CA10: variants seen among roughly 807,000 people sequenced by gnomAD.
CA10 encodes the protein carbonic anhydrase 10 (inactive).
In CA10, 14 loss-of-function variants were observed where a neutral mutation model predicts 44.2. The observed-to-expected ratio is 0.32, with a 90% CI of 0.21 to 0.50. CA10 has a LOEUF of 0.50. CA10 is among the 20% of genes least tolerant of loss of function. The pLI is 0.99. For synonymous variants in CA10, 159 were observed against 141.6 expected, an observed-to-expected ratio of 1.12 and a Z score of -0.87; for missense variants, 350 against 409.7, an observed-to-expected ratio of 0.85 and a Z score of 1.26.
chr17:51,988,802 T>C (rs942865710), intron 2 of CA10, among the ~76,000 whole-genome samples: 6 of 152,058 alleles, frequency 3.9e-5, no homozygotes, highest in Non-Finnish European at 7.4e-5. Flanking sequence ...ATTTTAAATT[T>C]TCTAGTATGC....
chr17:52,089,205 C>T (rs1988198006), intron 1 of CA10, among the ~76,000 whole-genome samples: 1 of 152,144 alleles, frequency 6.6e-6, no homozygotes, highest in Non-Finnish European at 1.5e-5. Flanking sequence ...GCAAGAAATA[C>T]ACCAATATTG....
At chr17:51,739,753 T>C (rs1022254674) in intron 4 of CA10, among the ~76,000 whole-genome samples, 1 of 152,212 alleles carries the variant, frequency 6.6e-6, no homozygotes, top group South Asian at 2.1e-4. Context: ...CATCATATGC[T>C]TGCTGGTATT....
chr17:52,139,824 A>G, intron 1 of CA10, among the ~76,000 whole-genome samples: 1 of 152,156 alleles, frequency 6.6e-6, no homozygotes. Context: ...TAGAGATAAA[A>G]TGAGATAATA....
intron 3 of CA10, among the ~76,000 whole-genome samples, chr17:51,793,110 C>G (rs1906584071): frequency 6.6e-6 from 1 of 152,204 alleles, no homozygotes; most frequent in Admixed American, 6.5e-5. Flanking sequence ...TCTTTCTTCT[C>G]TCTCTATGGC....
At chr17:52,132,486 A>G (rs1380246435) in intron 1 of CA10, among the ~76,000 whole-genome samples, 1 of 152,236 alleles carries the variant, frequency 6.6e-6, no homozygotes, top group Non-Finnish European at 1.5e-5. Context: ...TACTAAGCAC[A>G]GTAAAGGAGA....
chr17:52,004,683 C>T (rs530326997), intron 2 of CA10, among the ~76,000 whole-genome samples: 12 of 151,942 alleles, frequency 7.9e-5, no homozygotes, highest in African/African-American at 2.4e-4. Flanking sequence ...ATCATTTCTA[C>T]AAAATGCTCT....
intron 2 of CA10, among the ~76,000 whole-genome samples, chr17:51,951,749 T>C (rs1983492083): frequency 6.6e-6 from 1 of 152,176 alleles, no homozygotes; most frequent in African/African-American, 2.4e-5. Flanking sequence ...ACTGCAGATG[T>C]ACTCTAAGAG....
chr17:51,912,131 A>G (rs1422257766), intron 3 of CA10, among the ~76,000 whole-genome samples: 1 of 152,228 alleles, frequency 6.6e-6, no homozygotes, highest in African/African-American at 2.4e-5. Context: ...ACTAAGTAGT[A>G]TAGCAAACTT....
At chr17:51,717,833 A>ATATACACG (rs1916207432) in intron 4 of CA10, among the ~76,000 whole-genome samples, 1 of 58,520 alleles carries the variant, frequency 1.7e-5, no homozygotes, top group African/African-American at 9.0e-5. Flanking sequence ...GTGTGTGTAT[A>ATATACACG]TATATATATA....
chr17:51,993,973 AG>A (rs537201323), intron 2 of CA10, among the ~76,000 whole-genome samples: 58 of 152,112 alleles, frequency 3.8e-4, no homozygotes, highest in Non-Finnish European at 5.3e-4. Context: ...CACATCTTAA[AG>A]GCAATAAAAT....
intron 2 of CA10, among the ~76,000 whole-genome samples, chr17:52,024,914 T>G (rs1319544488): frequency 6.6e-6 from 1 of 151,828 alleles, no homozygotes; most frequent in Non-Finnish European, 1.5e-5. Flanking sequence ...TAAAAATGAT[T>G]ATCATTACCA....
chr17:52,152,173 A>G (rs1989717953), intron 1 of CA10, among the ~76,000 whole-genome samples: 1 of 152,108 alleles, frequency 6.6e-6, no homozygotes, highest in East Asian at 1.9e-4. Context: ...TATATAAAGT[A>G]CAGTGCTAGT....
chr17:51,937,085 C>T (rs1982896400), intron 2 of CA10, among the ~76,000 whole-genome samples: 1 of 152,064 alleles, frequency 6.6e-6, no homozygotes, highest in African/African-American at 2.4e-5. Flanking sequence ...AAACTAAGTC[C>T]CCTACTTTTT....
At chr17:51,775,778 TA>T (rs1598039350) in intron 3 of CA10, among the ~76,000 whole-genome samples, 1 of 152,118 alleles carries the variant, frequency 6.6e-6, no homozygotes, top group East Asian at 1.9e-4. Flanking sequence ...AAGTAATATT[TA>T]AACAGGACTC....
rs78869340 is a variant in CA10, at chr17:51,980,843, T to C, written c.137-49711A>G. 4.7e-3 allele frequency among the ~76,000 whole-genome samples: 714 copies of C among 152,274 alleles called. 2 individuals carry two copies. Among genetic ancestry groups the C allele is most frequent in the Non-Finnish European group, 6.4e-3 (436 of 68,004 alleles). Reference sequence around the variant, plus strand: ...AGATAGTTGTAGGTGTGCAGCATCATTTCTCGACTTTCTCTTCCGTTCCAT... The same window carrying C: ...AGATAGTTGTAGGTGTGCAGCATCACTTCTCGACTTTCTCTTCCGTTCCAT... On this transcript the variant is annotated intron_variant, in intron 2 of 8. Transcript: ENST00000451037.
At chr17:51,746,588 A>G (rs1404264398) in intron 4 of CA10, among the ~76,000 whole-genome samples, 1 of 152,228 alleles carries the variant, frequency 6.6e-6, no homozygotes, top group Non-Finnish European at 1.5e-5. Context: ...TCCCCATTAC[A>G]GCATGACATT....
At chr17:51,816,185 G>A (rs1460912851) in intron 3 of CA10, among the ~76,000 whole-genome samples, 2 of 152,130 alleles carry the variant, frequency 1.3e-5, no homozygotes, top group Non-Finnish European at 2.9e-5. Context: ...GTCTGTGCCT[G>A]ACTTATTTCA....
intron 4 of CA10, among the ~76,000 whole-genome samples, chr17:51,743,483 A>C (rs555712623): frequency 3.3e-5 from 5 of 152,322 alleles, no homozygotes; most frequent in Non-Finnish European, 7.3e-5. Flanking sequence ...ATCCCCAACA[A>C]GGAATCCAGG....
chr17:51,867,651 C>T (rs921796133), intron 3 of CA10, among the ~76,000 whole-genome samples: 1 of 152,194 alleles, frequency 6.6e-6, no homozygotes, highest in African/African-American at 2.4e-5. Context: ...ATATTGTTTT[C>T]ATAGTTCACC....
Sources: allele counts gnomAD v4.1 joint callset (sites outside exome capture counted in the v4.1 genomes callset), GRCh38; gene constraint gnomAD v4.1.1; transcripts MANE v1.5; gene names NCBI Gene and HGNC (gene_info 2026-07-23, HGNC 2026-07-21).